Variants in ABHD2 observed in about 807,000 individuals in gnomAD.
ABHD2 encodes the protein monoacylglycerol lipase ABHD2.
In ABHD2, 20 loss-of-function variants were observed where a neutral mutation model predicts 48.1. That is an observed-to-expected ratio of 0.42 (90% confidence interval 0.29 to 0.60). The LOEUF is 0.60. ABHD2 is among the 20% of genes least tolerant of loss of function. ABHD2 has a pLI of 0.24. For synonymous variants in ABHD2, 209 were observed against 214.2 expected (o/e 0.98, Z 0.21); for missense variants, 405 against 550.9 (o/e 0.74, Z 2.65).
the ABHD2 span, among the ~76,000 whole-genome samples, chr15:89,066,914 A>AAATGTG: frequency 6.6e-6 from 1 of 152,234 alleles, no homozygotes; most frequent in African/African-American, 2.4e-5. Flanking sequence ...GAAGTCTGGA[A>AAATGTG]AATGTGTCTG....
chr15:89,144,731 T>C (rs1425731552), intron 3 of ABHD2, among the ~76,000 whole-genome samples: 1 of 152,252 alleles, frequency 6.6e-6, no homozygotes, highest in African/African-American at 2.4e-5. Flanking sequence ...CAGGCTTTCC[T>C]TTTGCAGTGA....
chr15:89,145,523 C>A (rs1031978179), intron 3 of ABHD2, among the ~76,000 whole-genome samples: 1 of 152,084 alleles, frequency 6.6e-6, no homozygotes, highest in Non-Finnish European at 1.5e-5. Flanking sequence ...TAATGTGGGC[C>A]GTGGGGTATC....
intron 3 of ABHD2, among the ~76,000 whole-genome samples, chr15:89,147,065 A>G (rs905213640): frequency 4.1e-4 from 63 of 152,344 alleles, no homozygotes; most frequent in African/African-American, 1.5e-3. Flanking sequence ...TGGCATATGC[A>G]TAGACAAATA....
At chr15:89,043,214 C>T in the ABHD2 span, among the ~76,000 whole-genome samples, 1 of 152,192 alleles carries the variant, frequency 6.6e-6, no homozygotes, top group African/African-American at 2.4e-5. Context: ...GGCAGCCAAC[C>T]CTGCCTGAGC....
chr15:89,080,330 A>G, the ABHD2 span, among the ~76,000 whole-genome samples: 1 of 152,206 alleles, frequency 6.6e-6, no homozygotes. Context: ...GGAAAGTTCA[A>G]GTGTAAGGGT....
At position 89,201,596 on chromosome 15, in the gene ABHD2, G is replaced by A; in HGVS notation, c.*6173G>A. On this transcript the variant is annotated 3_prime_UTR_variant, in exon 11 of 11. Coordinates refer to ENST00000352732, the MANE Select transcript of ABHD2 (RefSeq NM_152924.5). ...CTGAAACAGTCACAGTTGACCCTGGGTCAATAATTCCACTGTTGGGCCTCA... is the reference window on the plus strand; with the variant it reads ...CTGAAACAGTCACAGTTGACCCTGGATCAATAATTCCACTGTTGGGCCTCA... The A allele has an allele frequency of 7.5e-6, 12 of 1,594,988 alleles. No individual in the cohort carries two copies. Among genetic ancestry groups the A allele is most frequent in the Non-Finnish European group, 1.0e-5 (12 of 1,162,700 alleles).
At chr15:89,057,996 AT>A in the ABHD2 span, among the ~76,000 whole-genome samples, 3 of 152,082 alleles carry the variant, frequency 2.0e-5, no homozygotes, top group Admixed American at 6.5e-5. Flanking sequence ...GCCCACCAAC[AT>A]TTGTGGGGCG....
At chr15:89,172,959 G>C (rs2050953912) in intron 5 of ABHD2, among the ~76,000 whole-genome samples, 1 of 152,202 alleles carries the variant, frequency 6.6e-6, no homozygotes, top group African/African-American at 2.4e-5. Context: ...TGTCATCAAA[G>C]AGAAATTGAG....
chr15:89,119,525 A>G (rs60085176), intron 3 of ABHD2, among the ~76,000 whole-genome samples: 80 of 152,336 alleles, frequency 5.3e-4, no homozygotes, highest in African/African-American at 1.9e-3. Context: ...ATTCAGTCTT[A>G]CCAACCTTAA....
chr15:89,115,063 C>T (rs1055027650), intron 2 of ABHD2, among the ~76,000 whole-genome samples: 2 of 152,150 alleles, frequency 1.3e-5, no homozygotes, highest in Non-Finnish European at 2.9e-5. Flanking sequence ...AAAGTTCAGT[C>T]GGTTATACCC....
At chr15:89,050,402 G>C in the ABHD2 span, among the ~76,000 whole-genome samples, 2 of 152,216 alleles carry the variant, frequency 1.3e-5, no homozygotes, top group African/African-American at 2.4e-5. Context: ...TCCAGACCCA[G>C]AGAACAACCA....
At chr15:89,147,705 A>G (rs1201884091) in intron 3 of ABHD2, among the ~76,000 whole-genome samples, 1 of 152,202 alleles carries the variant, frequency 6.6e-6, no homozygotes. Context: ...AACAAAACAC[A>G]ACAAAATCTA....
rs1241435571 is a variant in ABHD2 at position 89,196,371 on chromosome 15, C to A, written c.*948C>A. 2.0e-5 allele frequency: 3 copies of A among 152,188 alleles called. No homozygotes were observed. The East Asian group carries it at 5.8e-4, about 29-fold the overall frequency. 9.4% of individuals were successfully genotyped at this position (152,188 alleles called of 1,614,324 possible). A position where few individuals can be genotyped will look rare whatever the true frequency, so the allele number is the denominator to read the frequency against. ...GGCTGTGCCCTGGCTCTGCTTTTCA[C>A]CCTGGACAAAGTCGCTGTGGACTTC... On this transcript the variant is annotated 3_prime_UTR_variant, in exon 11 of 11. Transcript: ENST00000352732.
At chr15:89,049,163 C>T in the ABHD2 span, among the ~76,000 whole-genome samples, 2 of 152,156 alleles carry the variant, frequency 1.3e-5, no homozygotes, top group Non-Finnish European at 2.9e-5. Context: ...AGGTGTCAGT[C>T]TGCCCCTGCT....
intron 3 of ABHD2, among the ~76,000 whole-genome samples, chr15:89,142,270 A>C (rs982672068): frequency 6.6e-6 from 1 of 152,196 alleles, no homozygotes; most frequent in Admixed American, 6.5e-5. Context: ...ACTTTGAAAA[A>C]CTATGAAGTG....
chr15:89,073,144 CAAAGAA>C, the ABHD2 span, among the ~76,000 whole-genome samples: 7 of 152,056 alleles, frequency 4.6e-5, no homozygotes, highest in African/African-American at 1.7e-4. Context: ...GGGCCTGGGA[CAAAGAA>C]TATACTCAGA....
Position 89,175,874 on chromosome 15 carries a change from C to A in ABHD2, c.601C>A (p.Leu201Met). The change falls in exon 6 of 11, where the codon CTG becomes ATG. Residue 201 changes from leucine (L) to methionine (M), a missense_variant. Physicochemically the swap from Leu to Met is conservative, Grantham distance 15 (BLOSUM62 2). Transcript: ENST00000352732. The surrounding 1 kb of genome is among the most constrained non-coding windows in gnomAD (Gnocchi z 5.7). ...CAAGAAGACATATCCCCTGACCCAG[C>A]TGGTCGTCGTGGGCTTCAGCCTGGG... ...YIKKTYPLTQ[L>M]VVVGFSLGGN... 1 of 1,614,126 alleles carries A rather than the reference C, an allele frequency of 6.2e-7. No homozygotes were observed. Among genetic ancestry groups the A allele is most frequent in the Non-Finnish European group, 8.5e-7 (1 of 1,180,008 alleles).
At chr15:89,163,923 G>A (rs541441243) in intron 5 of ABHD2, among the ~76,000 whole-genome samples, 3 of 152,296 alleles carry the variant, frequency 2.0e-5, no homozygotes, top group Non-Finnish European at 4.4e-5. Flanking sequence ...AGGCAGTCTC[G>A]CAGTCTAGTC....
Position 89,116,314 on chromosome 15 carries a change from C to A in ABHD2, c.-6-8C>A. On this transcript the variant is annotated splice_polypyrimidine_tract_variant and splice_region_variant and intron_variant, in intron 2 of 10. Transcript: ENST00000352732. This position sits in a 1 kb window ranked among gnomAD's most constrained non-coding sequence, Gnocchi z 4.6. ...TTGTAAACTTAGACCTGTGCCTCTG[C>A]TCCCCAGATCAAGATGAATGCCATG... The A allele has an allele frequency of 6.2e-7, 1 of 1,610,110 alleles. No individual in the cohort carries two copies. Among genetic ancestry groups the A allele is most frequent in the Non-Finnish European group, 8.5e-7 (1 of 1,177,406 alleles).
Sources: allele counts gnomAD v4.1 joint callset (sites outside exome capture counted in the v4.1 genomes callset), GRCh38; gene constraint gnomAD v4.1.1; non-coding constraint Gnocchi (gnomAD v3.1); transcripts MANE v1.5; gene names NCBI Gene and HGNC (gene_info 2026-07-23, HGNC 2026-07-21).